The following ASAP1 variants were observed in gnomAD, a reference collection of about 807,000 sequenced individuals.
ASAP1 encodes the protein ArfGAP with SH3 domain, ankyrin repeat and PH domain 1.
ASAP1 carries 43 observed loss-of-function variants against 145.2 expected under a neutral mutation model. The ratio of observed to expected loss-of-function variants is 0.30; its 90% CI spans 0.23 to 0.38. The LOEUF (loss-of-function observed/expected upper bound fraction) is 0.38, where lower values mean the gene tolerates loss of function less well. Among genes scored for constraint, ASAP1 ranks in the 10% least tolerant of loss-of-function variants. The pLI is 1.00. For synonymous variants in ASAP1, 546 were observed against 515.5 expected (o/e 1.06, Z -0.80); for missense variants, 1,018 against 1,355.3 (o/e 0.75, Z 3.91).
chr8:130,387,427 T>C (rs1300302626), intron 2 of ASAP1, among the ~76,000 whole-genome samples: 2 of 151,884 alleles, frequency 1.3e-5, no homozygotes, highest in African/African-American at 4.8e-5. Context: ...TCCCACTTAC[T>C]TGGGAGGCTG....
At chr8:130,174,539 C>T (rs1208959882) in intron 9 of ASAP1, among the ~76,000 whole-genome samples, 2 of 152,176 alleles carry the variant, frequency 1.3e-5, no homozygotes, top group Non-Finnish European at 2.9e-5. Flanking sequence ...CATGGAATCT[C>T]TTTTTAGTCT....
intron 3 of ASAP1, among the ~76,000 whole-genome samples, chr8:130,244,082 C>T (rs541204185): frequency 4.1e-4 from 62 of 152,182 alleles, no homozygotes; most frequent in African/African-American, 1.4e-3. Flanking sequence ...GCTGGAGGGC[C>T]GAATCAAGGG....
At chr8:130,085,426 T>C (rs545490162) in intron 25 of ASAP1, among the ~76,000 whole-genome samples, 1 of 152,296 alleles carries the variant, frequency 6.6e-6, no homozygotes, top group South Asian at 2.1e-4. Flanking sequence ...TAGTCTGTTA[T>C]AAAGTAGGTT....
At chr8:130,221,477 CTATT>C (rs980378605) in intron 4 of ASAP1, among the ~76,000 whole-genome samples, 12 of 152,152 alleles carry the variant, frequency 7.9e-5, no homozygotes, top group African/African-American at 2.4e-5. Flanking sequence ...TCCCTATCAT[CTATT>C]TGTTTCCCCC....
intron 2 of ASAP1, among the ~76,000 whole-genome samples, chr8:130,384,149 G>A (rs1301533605): frequency 1.3e-5 from 2 of 152,174 alleles, no homozygotes; most frequent in African/African-American, 2.4e-5. Flanking sequence ...ATAACCAAAG[G>A]AGATTATGGC....
At chr8:130,268,629 A>T (rs1820410648) in intron 3 of ASAP1, among the ~76,000 whole-genome samples, 1 of 152,188 alleles carries the variant, frequency 6.6e-6, no homozygotes, top group African/African-American at 2.4e-5. Context: ...CGGTTAAAAC[A>T]ATGTATACAA....
chr8:130,402,673 C>T (rs917334861), intron 1 of ASAP1, among the ~76,000 whole-genome samples: 5 of 152,106 alleles, frequency 3.3e-5, no homozygotes, highest in African/African-American at 4.8e-5. Context: ...GGCGAAAAAC[C>T]GAGAGACATC....
intron 2 of ASAP1, among the ~76,000 whole-genome samples, chr8:130,393,673 T>G (rs1425033459): frequency 1.3e-5 from 2 of 152,238 alleles, no homozygotes; most frequent in East Asian, 3.9e-4. Flanking sequence ...TGAGAATCAC[T>G]TGAACCCAGG....
chr8:130,257,423 A>T (rs1409108031), intron 3 of ASAP1, among the ~76,000 whole-genome samples: 1 of 152,198 alleles, frequency 6.6e-6, no homozygotes, highest in Non-Finnish European at 1.5e-5. Flanking sequence ...TTCACAAAGC[A>T]CTACTCTGGA....
intron 3 of ASAP1, among the ~76,000 whole-genome samples, chr8:130,334,133 C>A (rs1565218154): frequency 6.6e-6 from 1 of 152,186 alleles, no homozygotes. Flanking sequence ...GCTTCTGCTC[C>A]TTCTGGCAGC....
intron 23 of ASAP1, among the ~76,000 whole-genome samples, chr8:130,113,910 C>G (rs931529894): frequency 1.3e-5 from 2 of 151,946 alleles, no homozygotes; most frequent in African/African-American, 4.8e-5. Context: ...GCCTCCCGGG[C>G]AGCTGGGACC....
chr8:130,301,686 A>G (rs183397328), intron 3 of ASAP1, among the ~76,000 whole-genome samples: 2,294 of 152,292 alleles, frequency 0.015, 26 homozygotes, highest in Non-Finnish European at 0.024. Flanking sequence ...ATATCCTACA[A>G]TATTTCCTTA....
intron 29 of ASAP1, among the ~76,000 whole-genome samples, chr8:130,056,248 G>C (rs961263411): frequency 1.3e-5 from 2 of 152,220 alleles, no homozygotes; most frequent in African/African-American, 4.8e-5. Context: ...GATTCACGTG[G>C]GGGGGCTTCA....
chr8:130,194,470 G>A (rs966632801), intron 5 of ASAP1, among the ~76,000 whole-genome samples: 2 of 152,090 alleles, frequency 1.3e-5, no homozygotes, highest in African/African-American at 4.8e-5. Context: ...CCACGAAGAT[G>A]GAGTATATGA....
chr8:130,366,473 T>A (rs753430465), intron 2 of ASAP1, among the ~76,000 whole-genome samples: 2 of 152,180 alleles, frequency 1.3e-5, no homozygotes, highest in African/African-American at 2.4e-5. Flanking sequence ...CCTCCCTTGG[T>A]CATTTTCAGA....
chr8:130,385,020 A>G (rs927557575), intron 2 of ASAP1, among the ~76,000 whole-genome samples: 5 of 152,104 alleles, frequency 3.3e-5, no homozygotes, highest in African/African-American at 4.8e-5. Flanking sequence ...AGGTCCAAAT[A>G]TTGTCTTTGA....
chr8:130,359,313 T>C (rs1826580521), intron 2 of ASAP1, among the ~76,000 whole-genome samples: 2 of 152,156 alleles, frequency 1.3e-5, no homozygotes, highest in South Asian at 4.1e-4. Context: ...CAAATTTCGG[T>C]GGAAAAAGTA....
chr8:130,417,496 A>C (rs1179467313), intron 1 of ASAP1, among the ~76,000 whole-genome samples: 1 of 152,188 alleles, frequency 6.6e-6, no homozygotes. Flanking sequence ...CGGAAAGAGC[A>C]GTCCCTTCTC....
chr8:130,353,744 C>T (rs1358250189), intron 3 of ASAP1, among the ~76,000 whole-genome samples: 12 of 152,290 alleles, frequency 7.9e-5, no homozygotes, highest in East Asian at 1.9e-4. Flanking sequence ...GCGGTGTGCA[C>T]CTGTAGTCCC....
Sources: allele counts gnomAD v4.1 joint callset (sites outside exome capture counted in the v4.1 genomes callset), GRCh38; gene constraint gnomAD v4.1.1; transcripts MANE v1.5; gene names NCBI Gene and HGNC (gene_info 2026-07-23, HGNC 2026-07-21).